BLVRA: variants seen among roughly 807,000 people sequenced by gnomAD.
The protein encoded by BLVRA is BVR A.
In BLVRA, 22 loss-of-function variants were observed where a neutral mutation model predicts 32.8. The ratio of observed to expected loss-of-function variants is 0.67; its 90% confidence interval spans 0.48 to 0.96. The LOEUF is 0.96. Ranked by LOEUF, BLVRA falls within the 40% of genes least tolerant of loss-of-function variation. BLVRA has a pLI of 0.00. For synonymous variants in BLVRA, 119 were observed against 141.3 expected (o/e 0.84, Z 1.12); for missense variants, 323 against 358.1 (o/e 0.90, Z 0.79).
At chr7:43,767,429 T>A in intron 1 of BLVRA, 1 of 1,576,110 alleles carries the variant, frequency 6.3e-7, no homozygotes, top group East Asian at 2.2e-5. Flanking sequence ...TTATTTATAT[T>A]TCACAACTAA....
At chr7:43,803,583 C>T (rs1010500609) in intron 6 of BLVRA, 93 bp from the exon 7 acceptor site, 1 of 1,430,664 alleles carries the variant, frequency 7.0e-7, no homozygotes, top group Non-Finnish European at 9.8e-7. Flanking sequence ...TCGGCCACAT[C>T]TTTTCACACC....
At chr7:43,788,131 C>T in intron 3 of BLVRA, 106 bp downstream of exon 3, 2 of 1,580,450 alleles carry the variant, frequency 1.3e-6, no homozygotes, top group South Asian at 2.2e-5. Context: ...AGAGCCATCT[C>T]CCAACTGAGA....
At chr7:43,766,578 C>T (rs1015324570) in intron 1 of BLVRA, among the ~76,000 whole-genome samples, 5 of 152,078 alleles carry the variant, frequency 3.3e-5, no homozygotes, top group Non-Finnish European at 5.9e-5. Flanking sequence ...TAGTCCTGGC[C>T]AGACAATGGG....
At chr7:43,766,868 A>G (rs983389964) in intron 1 of BLVRA, among the ~76,000 whole-genome samples, 16 of 152,198 alleles carry the variant, frequency 1.1e-4, no homozygotes, top group Non-Finnish European at 2.1e-4. Context: ...GCAGTGGCTC[A>G]TGCCTGCAGT....
intron 5 of BLVRA, among the ~76,000 whole-genome samples, chr7:43,795,366 AT>A (rs2095790627): frequency 6.6e-6 from 1 of 152,042 alleles, no homozygotes; most frequent in Non-Finnish European, 1.5e-5. Flanking sequence ...AAATACAAAA[AT>A]TAGCCAGGTG....
intron 3 of BLVRA, 137 bp downstream of exon 3, chr7:43,788,162 C>A (rs1305822237): frequency 1.3e-6 from 2 of 1,490,844 alleles, no homozygotes; most frequent in Non-Finnish European, 1.8e-6. Context: ...GGGTCAGCCC[C>A]ATAAGATCTC....
chr7:43,776,898 G>T (rs1288147313), intron 2 of BLVRA, among the ~76,000 whole-genome samples: 1 of 152,126 alleles, frequency 6.6e-6, no homozygotes, highest in East Asian at 1.9e-4. Context: ...ATTATGTAAT[G>T]GCCTTCTTTG....
Position 43,787,790 on chromosome 7 carries a change from T to G in BLVRA, c.13-114T>G. ...TCCTGATGCTGTGGCTTCCTGTGTG[T>G]TTTGGGCTGGCTTCCATCTTGCTCG... is the stretch of plus-strand genomic sequence containing the variant. On this transcript the variant is annotated intron_variant, in intron 2 of 7. Transcript: ENST00000265523. The surrounding 1 kb of genome is among the most constrained non-coding windows in gnomAD (Gnocchi z 4.5). 2 of 1,532,830 alleles carry G rather than the reference T, an allele frequency of 1.3e-6. No homozygotes were observed. Among genetic ancestry groups the G allele is most frequent in the Non-Finnish European group, 1.8e-6 (2 of 1,108,186 alleles). The allele number at this position is 1,532,830 out of a possible 1,614,324, so 95.0% of individuals were successfully genotyped here. A position where few individuals can be genotyped will look rare whatever the true frequency, so the allele number is the denominator to read the frequency against.
At chr7:43,771,537 A>C (rs989489561) in intron 2 of BLVRA, among the ~76,000 whole-genome samples, 1 of 152,206 alleles carries the variant, frequency 6.6e-6, no homozygotes, top group Non-Finnish European at 1.5e-5. Flanking sequence ...TCTTTGATGC[A>C]TGGAGATGTC....
intron 1 of BLVRA, chr7:43,767,291 T>C: frequency 8.8e-7 from 1 of 1,141,488 alleles, no homozygotes; most frequent in Non-Finnish European, 1.3e-6. Flanking sequence ...AACTACACTG[T>C]GGAGCACCCA....
At chr7:43,774,678 A>T (rs143948194) in intron 2 of BLVRA, among the ~76,000 whole-genome samples, 27 of 152,098 alleles carry the variant, frequency 1.8e-4, no homozygotes, top group Non-Finnish European at 3.7e-4. Flanking sequence ...CTGTGAAGAA[A>T]GTCATTTGTA....
chr7:43,769,106 C>A (rs1265711544), intron 1 of BLVRA, among the ~76,000 whole-genome samples: 1 of 152,058 alleles, frequency 6.6e-6, no homozygotes, highest in Admixed American at 6.6e-5. Context: ...TAGCTCACTG[C>A]AGCCTCAAAT....
Position 43,787,414 on chromosome 7 carries a change from C to T in BLVRA, c.13-490C>T, listed in dbSNP as rs543282531. On this transcript the variant is annotated intron_variant, in intron 2 of 7. Coordinates refer to ENST00000265523, the MANE Select transcript of BLVRA (RefSeq NM_000712.4). This position sits in a 1 kb window ranked among gnomAD's most constrained non-coding sequence, Gnocchi z 4.5. ...GAAGAGTCAAAGCCTCTGGATCCCACGCTGAGTAAGGTGACCAATCATGGT... is the reference window on the plus strand; with the variant it reads ...GAAGAGTCAAAGCCTCTGGATCCCATGCTGAGTAAGGTGACCAATCATGGT... Among the ~76,000 whole-genome samples the T allele has an allele frequency of 4.6e-5, 7 of 152,274 alleles. No individual in the cohort carries two copies. The highest frequency in any genetic ancestry group is 1.2e-4 in the African/African-American group (5 of 41,568).
chr7:43,778,988 GT>G (rs2095765310), intron 2 of BLVRA, among the ~76,000 whole-genome samples: 1 of 152,236 alleles, frequency 6.6e-6, no homozygotes, highest in Non-Finnish European at 1.5e-5. Context: ...CTGTTGTGCT[GT>G]TTTTTAAGCC....
intron 1 of BLVRA, among the ~76,000 whole-genome samples, chr7:43,765,847 T>G (rs1186732607): frequency 6.6e-6 from 1 of 152,214 alleles, no homozygotes; most frequent in African/African-American, 2.4e-5. Flanking sequence ...CATAAAAATT[T>G]AAATGTGGAG....
At chr7:43,780,210 G>A (rs115592006) in intron 2 of BLVRA, among the ~76,000 whole-genome samples, 249 of 152,140 alleles carry the variant, frequency 1.6e-3, no homozygotes, top group African/African-American at 5.4e-3. Context: ...CCCCAAGCCC[G>A]TTATAACCCA....
chr7:43,806,846 G>A, intron 7 of BLVRA, 131 bp from the exon 8 acceptor site: 1 of 979,664 alleles, frequency 1.0e-6, no homozygotes, highest in Non-Finnish European at 1.6e-6. Flanking sequence ...CACAGCCTCT[G>A]GGAGGCTGGT....
rs929348140 is a variant in BLVRA at position 43,787,219 on chromosome 7, A to G, written c.13-685A>G. ...ATTACAGGCGTGAGCCACCGTGCCC[A>G]GTGCATGGAGATAAATTTTATCAGT... On this transcript the variant is annotated intron_variant, in intron 2 of 7. Coordinates refer to ENST00000265523, the MANE Select transcript of BLVRA (RefSeq NM_000712.4). This position sits in a 1 kb window ranked among gnomAD's most constrained non-coding sequence, Gnocchi z 4.5. Among the ~76,000 whole-genome samples, 3 of 152,162 alleles carry G rather than the reference A, an allele frequency of 2.0e-5. No homozygotes were observed. The highest frequency in any genetic ancestry group is 7.2e-5 in the African/African-American group (3 of 41,428).
chr7:43,791,134 T>C, intron 3 of BLVRA, 115 bp from the exon 4 acceptor site: 1 of 1,530,872 alleles, frequency 6.5e-7, no homozygotes, highest in Admixed American at 1.8e-5. Context: ...GAGAAGAAAC[T>C]CATTTCTTCA....
Sources: allele counts gnomAD v4.1 joint callset (sites outside exome capture counted in the v4.1 genomes callset), GRCh38; gene constraint gnomAD v4.1.1; non-coding constraint Gnocchi (gnomAD v3.1); transcripts MANE v1.5; gene names NCBI Gene and HGNC (gene_info 2026-07-23, HGNC 2026-07-21).